The following TRPM3 variants were observed in gnomAD, a reference collection of about 807,000 sequenced individuals.
TRPM3 encodes transient receptor potential cation channel subfamily M member 3.
TRPM3 carries 77 observed loss-of-function variants against 181.2 expected under a neutral mutation model. The observed-to-expected ratio is 0.42, with a 90% CI of 0.35 to 0.51. The LOEUF (loss-of-function observed/expected upper bound fraction) is 0.51, where lower values mean the gene tolerates loss of function less well. Among genes scored for constraint, TRPM3 ranks in the 20% least tolerant of loss-of-function variants. The probability of loss-of-function intolerance (pLI) is 0.01; values close to 1 mark genes in which losing one functional copy is unlikely to be tolerated. For missense variants in TRPM3, 1,759 were observed against 2,196.7 expected (o/e 0.80, Z 3.98); for synonymous variants, 745 against 796.4 (o/e 0.94, Z 1.09).
At chr9:70,955,716 T>C (rs1380416431) in intron 1 of TRPM3, among the ~76,000 whole-genome samples, 1 of 152,160 alleles carries the variant, frequency 6.6e-6, no homozygotes, top group African/African-American at 2.4e-5. Context: ...TGCCTGCTTA[T>C]AATACTTTTG....
At chr9:70,787,255 A>AAC (rs35704005) in intron 6 of TRPM3, among the ~76,000 whole-genome samples, 25,671 of 151,792 alleles carry the variant, frequency 0.17, 2,351 homozygotes, top group South Asian at 0.28. Flanking sequence ...TCCAGAGCTG[A>AAC]ACACACACAC....
intron 6 of TRPM3, among the ~76,000 whole-genome samples, chr9:70,806,690 A>AAAAATAAAAT (rs144668023): frequency 0.033 from 4,933 of 148,756 alleles, 106 homozygotes; most frequent in Middle Eastern, 0.062. Context: ...ACTCCGTCTC[A>AAAAATAAAAT]AAAATAAAAT....
chr9:70,535,017 C>G lies in TRPM3; in HGVS notation c.*936G>C, dbSNP rs77813051. 9 of 147,054 alleles carry G rather than the reference C, an allele frequency of 6.1e-5. No individual in the cohort carries two copies. The highest frequency in any genetic ancestry group is 2.3e-4 in the African/African-American group (9 of 38,572). 9.1% of individuals were successfully genotyped at this position (147,054 alleles called of 1,614,324 possible). ...GAACATCCCACATGGCAATTTCAGG[C>G]TAGTTCTGTCCACTGTTTTTTTTTT... On this transcript the variant is annotated 3_prime_UTR_variant, in exon 26 of 26. Coordinates refer to ENST00000677713, the MANE Select transcript of TRPM3 (RefSeq NM_001366145.2).
In TRPM3 at chr9:71,073,039, C is replaced by T. The variant is rs116997352; in HGVS notation, c.177+48139G>A. On this transcript the variant is annotated intron_variant, in intron 1 of 25. Transcript: ENST00000677713. ...CGGCCCCTTCCTTTAAAACAGTTTC[C>T]TTTGTCTTAAGTTTTCATTTCTGTG... Among the ~76,000 whole-genome samples the T allele has an allele frequency of 4.9e-3, 748 of 152,278 alleles. 18 individuals carry two copies. The East Asian group carries it at 0.078, about 16-fold the overall frequency.
intron 19 of TRPM3, among the ~76,000 whole-genome samples, chr9:70,607,791 G>A (rs1323793495): frequency 4.6e-5 from 7 of 152,052 alleles, no homozygotes; most frequent in Non-Finnish European, 8.8e-5. Context: ...TTCTGCTCTC[G>A]GGAGTCTGTA....
chr9:71,080,148 C>A (rs1208999011), intron 1 of TRPM3, among the ~76,000 whole-genome samples: 1 of 145,708 alleles, frequency 6.9e-6, no homozygotes. Flanking sequence ...CCAACCTGGA[C>A]AACAAGAGTC....
chr9:71,232,491 CTTTTT>C (rs71352362), intron 1 of TRPM3, among the ~76,000 whole-genome samples: 8 of 59,126 alleles, frequency 1.4e-4, no homozygotes, highest in Admixed American at 2.4e-4. Context: ...AATTCAGTGT[CTTTTT>C]TTTTTTTTTT....
chr9:70,827,039 C>T (rs370901484), intron 6 of TRPM3: 2 of 152,176 alleles, frequency 1.3e-5, no homozygotes, highest in African/African-American at 4.8e-5. Flanking sequence ...AATAGAGATT[C>T]CTATGCGCTT....
At chr9:71,183,626 T>A (rs2077521992) in intron 1 of TRPM3, among the ~76,000 whole-genome samples, 1 of 152,144 alleles carries the variant, frequency 6.6e-6, no homozygotes, top group Non-Finnish European at 1.5e-5. Flanking sequence ...TTAAAGATTA[T>A]TTATTTAGGC....
chr9:71,340,134 T>C (rs2050727825), intron 1 of TRPM3, among the ~76,000 whole-genome samples: 1 of 152,158 alleles, frequency 6.6e-6, no homozygotes, highest in Non-Finnish European at 1.5e-5. Flanking sequence ...ACTATACGCA[T>C]GCCAGGGTTG....
intron 1 of TRPM3, among the ~76,000 whole-genome samples, chr9:70,885,016 T>C (rs2096063161): frequency 6.6e-6 from 1 of 152,170 alleles, no homozygotes; most frequent in Non-Finnish European, 1.5e-5. Flanking sequence ...TTCTCAGAGT[T>C]GGCCTCCTGA....
chr9:71,358,552 T>C (rs1045582458), intron 1 of TRPM3, among the ~76,000 whole-genome samples: 20 of 152,114 alleles, frequency 1.3e-4, no homozygotes, highest in African/African-American at 3.9e-4. Context: ...TCTCTTCACA[T>C]TAAAGAGGCC....
intron 1 of TRPM3, among the ~76,000 whole-genome samples, chr9:71,018,887 A>G (rs2097813025): frequency 6.6e-6 from 1 of 151,952 alleles, no homozygotes; most frequent in African/African-American, 2.4e-5. Flanking sequence ...AAAATATCCT[A>G]AACAAAATGT....
chr9:70,667,189 G>GC (rs574032761), intron 9 of TRPM3, among the ~76,000 whole-genome samples: 444 of 151,978 alleles, frequency 2.9e-3, no homozygotes, highest in African/African-American at 0.01. Context: ...TTAAGAGTGG[G>GC]CATAAGAGTG....
intron 1 of TRPM3, among the ~76,000 whole-genome samples, chr9:71,073,994 A>G (rs945596126): frequency 3.3e-5 from 5 of 152,290 alleles, no homozygotes; most frequent in African/African-American, 1.2e-4. Context: ...TAAAGAATAC[A>G]TCTTTTGATT....
chr9:70,582,179 TGC>T lies in TRPM3; in HGVS notation c.3223+8850_3223+8851del, dbSNP rs1218631901. ...CTCACTCCTCCCCGCCTCCACCCTGTGCGTGTGTGTGTGTGTGTGTGTGTGTG... is the reference window on the plus strand; with the variant it reads ...CTCACTCCTCCCCGCCTCCACCCTGTGTGTGTGTGTGTGTGTGTGTGTGTG... On this transcript the variant is annotated intron_variant, in intron 22 of 25. Coordinates refer to ENST00000677713, the MANE Select transcript of TRPM3 (RefSeq NM_001366145.2). Among the ~76,000 whole-genome samples the T allele has an allele frequency of 4.3e-3, 262 of 61,188 alleles. 3 individuals are homozygous for T. The highest frequency in any genetic ancestry group is 0.029 in the East Asian group (60 of 2,056). 40.1% of individuals were successfully genotyped at this position (61,188 alleles called of 152,430 possible).
chr9:71,212,070 C>T lies in TRPM3; in HGVS notation c.183+234583G>A, dbSNP rs569628040. 2.6e-5 allele frequency among the ~76,000 whole-genome samples: 4 copies of T among 152,276 alleles called. No individual in the cohort carries two copies. The South Asian group carries it at 8.3e-4, about 32-fold the overall frequency. On this transcript the variant is annotated intron_variant, in intron 1 of 24. Transcript: ENST00000357533. ...GGGAGGTGGAGCTCATCCTCTGCCT[C>T]CATGCTTCAGCCTGAACAGAGCTGA...
In TRPM3 at chr9:70,625,385, T is replaced by C; in HGVS notation, c.1669-54A>G. 1 of 1,609,474 alleles carries C rather than the reference T, an allele frequency of 6.2e-7. No individual in the cohort carries two copies. Among genetic ancestry groups the C allele is most frequent in the East Asian group, 2.2e-5 (1 of 44,822 alleles). On this transcript the variant is annotated intron_variant, in intron 13 of 25. Transcript: ENST00000677713. This position sits in a 1 kb window ranked among gnomAD's most constrained non-coding sequence, Gnocchi z 4.8. Reference sequence around the variant, plus strand: ...AAATCCAAAAGACAACGTGGTTTACTAGGGATTCTACTTCACGTATTCTGT... The same window carrying C: ...AAATCCAAAAGACAACGTGGTTTACCAGGGATTCTACTTCACGTATTCTGT...
At chr9:70,614,687 GACA>G (rs916300803) in intron 18 of TRPM3, among the ~76,000 whole-genome samples, 5 of 152,256 alleles carry the variant, frequency 3.3e-5, no homozygotes, top group Middle Eastern at 6.8e-3. Context: ...TTGTGAGGTA[GACA>G]ACATTATTGT....
Sources: allele counts gnomAD v4.1 joint callset (sites outside exome capture counted in the v4.1 genomes callset), GRCh38; gene constraint gnomAD v4.1.1; non-coding constraint Gnocchi (gnomAD v3.1); transcripts MANE v1.5; gene names NCBI Gene and HGNC (gene_info 2026-07-23, HGNC 2026-07-21).